The following HOMER3 variants were observed in gnomAD, a reference collection of about 807,000 sequenced individuals.
HOMER3 encodes homer protein homolog 3.
HOMER3 carries 34 observed loss-of-function variants against 45.5 expected under a neutral mutation model. That is an observed-to-expected ratio of 0.75 (90% confidence interval 0.57 to 1.00). The LOEUF is 1.00. HOMER3 is among the 50% of genes least tolerant of loss of function. The pLI is 0.00. For missense variants in HOMER3, 480 were observed against 497.5 expected (o/e 0.96, Z 0.33); for synonymous variants, 223 against 208.8 (o/e 1.07, Z -0.58).
At chr19:18,937,436 G>A (rs2057105197) in intron 4 of HOMER3, among the ~76,000 whole-genome samples, 1 of 151,958 alleles carries the variant, frequency 6.6e-6, no homozygotes, top group Non-Finnish European at 1.5e-5. Flanking sequence ...CAGCACTTTG[G>A]GAGGCCGAGG....
At chr19:18,932,412 AG>A (rs889149221) in intron 6 of HOMER3, among the ~76,000 whole-genome samples, 3 of 52,570 alleles carry the variant, frequency 5.7e-5, no homozygotes, top group Non-Finnish European at 1.1e-4. Context: ...ATGCTGGGCT[AG>A]GGGGCGGGGC....
Position 18,938,345 on chromosome 19 carries a change from C to G in HOMER3, c.303+8G>C, listed in dbSNP as rs774062714. 6.3e-7 allele frequency: 1 copy of G among 1,598,638 alleles called. No homozygotes were observed. The highest frequency in any genetic ancestry group is 8.6e-7 in the Non-Finnish European group (1 of 1,167,162). ...GGTTCCCTCCACTCTCCCCCTCACC[C>G]GGCCCACCTGTGTCAGATGCTGTTC... On this transcript the variant is annotated splice_region_variant and intron_variant, in intron 4 of 9. Coordinates refer to ENST00000392351, the MANE Select transcript of HOMER3 (RefSeq NM_004838.4).
Position 18,938,489 on chromosome 19 carries a change from G to T in HOMER3, c.172-5C>A, listed in dbSNP as rs1217783459. 1 of 1,611,384 alleles carries T rather than the reference G, an allele frequency of 6.2e-7. No individual in the cohort carries two copies. The highest frequency in any genetic ancestry group is 1.3e-5 in the African/African-American group (1 of 74,880). The stretch of plus-strand genomic sequence containing the variant: ...GACAGTGCTGTTGATGATGGCCTAG[G>T]GTCGGGGAACAAAGTTCAAGGTAGA... On this transcript the variant is annotated splice_polypyrimidine_tract_variant and splice_region_variant and intron_variant, in intron 3 of 9. Coordinates refer to ENST00000392351, the MANE Select transcript of HOMER3 (RefSeq NM_004838.4).
At position 18,929,304 on chromosome 19, in the gene HOMER3, C is replaced by A. The variant is rs1245932878; in HGVS notation, c.*139G>T. Reference sequence around the variant, plus strand: ...CAACCAGAGCCGACTGGGGCCCACCCCAGCCCAGCCCGGCCCGGCCCACCC... The same window carrying A: ...CAACCAGAGCCGACTGGGGCCCACCACAGCCCAGCCCGGCCCGGCCCACCC... On this transcript the variant is annotated 3_prime_UTR_variant, in exon 10 of 10. Coordinates refer to ENST00000392351, the MANE Select transcript of HOMER3 (RefSeq NM_004838.4). 9.3e-6 allele frequency: 9 copies of A among 967,890 alleles called. No individual in the cohort carries two copies. The highest frequency in any genetic ancestry group is 1.5e-5 in the Non-Finnish European group (9 of 604,294). 60.0% of individuals were successfully genotyped at this position (967,890 alleles called of 1,614,324 possible). A position where few individuals can be genotyped will look rare whatever the true frequency, so the allele number is the denominator to read the frequency against.
chr19:18,938,850 A>G lies in HOMER3; in HGVS notation c.49T>C (p.Phe17Leu). Residue 17 changes from phenylalanine (F) to leucine (L), a missense_variant, in exon 3 of 10, where the codon TTC becomes CTC. By Grantham distance (22) the Phe-to-Leu change is conservative. Transcript: ENST00000392351. The part of the protein sequence containing the change: ...QPIFSTRAHV[F>L]QIDPATKRNW... The stretch of plus-strand genomic sequence containing the variant: ...CGCTTGGTGGCTGGGTCAATTTGGA[A>G]CACGTGCGCCCGTGTGCTGAAGATT... 6.2e-7 allele frequency: 1 copy of G among 1,602,542 alleles called. No homozygotes were observed. The highest frequency in any genetic ancestry group is 8.5e-7 in the Non-Finnish European group (1 of 1,174,862).
At position 18,932,910 on chromosome 19, in the gene HOMER3, G is replaced by T; in HGVS notation, c.533+14C>A. 4 of 449,096 alleles carry T rather than the reference G, an allele frequency of 8.9e-6. No individual in the cohort carries two copies. Among genetic ancestry groups the T allele is most frequent in the South Asian group, 4.3e-5 (1 of 23,446 alleles). The allele number at this position is 449,096 out of a possible 1,614,324, so 27.8% of individuals were successfully genotyped here. On this transcript the variant is annotated intron_variant, in intron 6 of 9. Coordinates refer to ENST00000392351, the MANE Select transcript of HOMER3 (RefSeq NM_004838.4). ...ACCCCCGCCCCTGCCACGCCCCCAA[G>T]TCCCGCCCCTCACCCCTCAGACAAC...
At chr19:18,934,490 G>T in intron 4 of HOMER3, 80 bp from the exon 5 acceptor site, 1 of 782,238 alleles carries the variant, frequency 1.3e-6, no homozygotes. Flanking sequence ...TGACAGCCCC[G>T]CCACTTTCGA....
Position 18,932,968 on chromosome 19 carries a change from G to C in HOMER3, c.489C>G (p.Pro163=), listed in dbSNP as rs775855527. ...TTAGCCGCTCGCGCTCTGTGGGGCCGGGGGCATCAGCGCTCTGGCTGCGGA... is the reference window on the plus strand; with the variant it reads ...TTAGCCGCTCGCGCTCTGTGGGGCCCGGGGCATCAGCGCTCTGGCTGCGGA... ...KLFRSQSADA[P]GPTERERLKK... Residue 163 remains proline, a synonymous_variant, in exon 6 of 10, where the codon CCC becomes CCG. Coordinates refer to ENST00000392351, the MANE Select transcript of HOMER3 (RefSeq NM_004838.4). 1.4e-6 allele frequency: 2 copies of C among 1,447,148 alleles called. No homozygotes were observed. The highest frequency in any genetic ancestry group is 1.5e-5 in the South Asian group (1 of 67,978). 89.6% of individuals were successfully genotyped at this position (1,447,148 alleles called of 1,614,324 possible). A position where few individuals can be genotyped will look rare whatever the true frequency, so the allele number is the denominator to read the frequency against.
chr19:18,929,661 G>A (rs1208690728), intron 9 of HOMER3, 27 bp from the exon 10 acceptor site: 6 of 1,474,334 alleles, frequency 4.1e-6, no homozygotes, highest in Non-Finnish European at 5.4e-6. Context: ...GGCAGGGTTG[G>A]GGGCCCCAAC....
chr19:18,939,701 C>T (rs1284687130), intron 1 of HOMER3: 1 of 152,368 alleles, frequency 6.6e-6, no homozygotes, highest in African/African-American at 2.4e-5. Flanking sequence ...TGAGTTCTTT[C>T]CACCACATTC....
At chr19:18,932,884 T>TA (rs1491315803) in intron 6 of HOMER3, 40 bp downstream of exon 6, 2 of 312,350 alleles carry the variant, frequency 6.4e-6, no homozygotes, top group Non-Finnish European at 1.1e-5. Context: ...CCCCCACCCC[T>TA]ACCCCCGCCC....
At chr19:18,940,129 G>A (rs2057139044) in intron 1 of HOMER3, 1 of 152,684 alleles carries the variant, frequency 6.5e-6, no homozygotes, top group Non-Finnish European at 1.5e-5. Flanking sequence ...TCCTGTCCTG[G>A]GCAGCTGCTG....
intron 4 of HOMER3, among the ~76,000 whole-genome samples, chr19:18,934,874 T>TTG (rs956939404): frequency 1.5e-5 from 2 of 129,678 alleles, no homozygotes; most frequent in Non-Finnish European, 3.6e-5. Flanking sequence ...GTTTTTTGTT[T>TTG]TTTTTTTTTT....
intron 1 of HOMER3, chr19:18,939,851 C>A (rs954055877): frequency 6.5e-5 from 10 of 152,900 alleles, no homozygotes; most frequent in Non-Finnish European, 1.5e-4. Context: ...AGAAGCACAC[C>A]TTGAAGTCCA....
intron 4 of HOMER3, among the ~76,000 whole-genome samples, chr19:18,935,023 G>A (rs1601281105): frequency 1.3e-5 from 2 of 151,594 alleles, no homozygotes; most frequent in Admixed American, 6.6e-5. Flanking sequence ...CATATTTTTA[G>A]TAGAGATGTG....
chr19:18,938,918 G>T, intron 2 of HOMER3, 34 bp from the exon 3 acceptor site: 1 of 1,607,354 alleles, frequency 6.2e-7, no homozygotes, highest in South Asian at 1.1e-5. Context: ...TGGGGGCCAG[G>T]CACCCCCACT....
intron 6 of HOMER3, among the ~76,000 whole-genome samples, chr19:18,932,440 T>C (rs886204): frequency 0.75 from 112,539 of 149,364 alleles, 43,938 homozygotes; most frequent in African/African-American, 0.94. Context: ...AGGGGTGGCT[T>C]TGGGCTAGGG....
At chr19:18,932,364 AG>A (rs1393331065) in intron 6 of HOMER3, among the ~76,000 whole-genome samples, 2 of 14,868 alleles carry the variant, frequency 1.3e-4, no homozygotes, top group African/African-American at 2.8e-4. Flanking sequence ...GGGCGGGGCC[AG>A]GGTGGGTGGC....
intron 9 of HOMER3, among the ~76,000 whole-genome samples, chr19:18,929,895 C>A (rs1427291030): frequency 6.6e-6 from 1 of 151,882 alleles, no homozygotes; most frequent in African/African-American, 2.4e-5. Context: ...CTCACTACAA[C>A]CTCCGCCTCC....
Sources: gnomAD v4.1 joint callset for allele counts (sites outside exome capture counted in the v4.1 genomes callset) on GRCh38, gnomAD v4.1.1 for gene constraint, MANE v1.5 for transcripts, NCBI Gene and HGNC (gene_info 2026-07-23, HGNC 2026-07-21) for gene names.